The following MSRA variants were observed in gnomAD, a reference collection of about 807,000 sequenced individuals.
MSRA encodes mitochondrial peptide methionine sulfoxide reductase.
Under a neutral mutation model 31.3 loss-of-function variants are expected in MSRA, and 54 were observed. That is an observed-to-expected ratio of 1.73 (90% CI 1.39 to 2.17). MSRA has a LOEUF of 2.17. Among genes scored for constraint, MSRA ranks in the 30% most tolerant of loss-of-function variants. The pLI is 0.00. For missense variants in MSRA, 507 were observed against 300.9 expected, an observed-to-expected ratio of 1.69 and a Z score of -5.07; for synonymous variants, 169 against 116.5, an observed-to-expected ratio of 1.45 and a Z score of -2.90.
At chr8:10,353,222 C>A (rs1163920040) in intron 5 of MSRA, among the ~76,000 whole-genome samples, 1 of 152,198 alleles carries the variant, frequency 6.6e-6, no homozygotes, top group African/African-American at 2.4e-5. Context: ...CTTGGGAGAA[C>A]TGCCTTCTGC....
chr8:10,134,087 C>G (rs1048516312), intron 1 of MSRA, among the ~76,000 whole-genome samples: 6 of 152,188 alleles, frequency 3.9e-5, no homozygotes, highest in African/African-American at 1.4e-4. Context: ...CCACCTCAGC[C>G]TTCCAAAGTG....
At chr8:10,235,687 C>G (rs1285761696) in intron 2 of MSRA, among the ~76,000 whole-genome samples, 1 of 152,082 alleles carries the variant, frequency 6.6e-6, no homozygotes, top group Non-Finnish European at 1.5e-5. Context: ...TGATTCTCTT[C>G]CTTCTCTCCA....
At chr8:10,113,825 A>G (rs184760362) in intron 1 of MSRA, among the ~76,000 whole-genome samples, 7 of 152,198 alleles carry the variant, frequency 4.6e-5, no homozygotes, top group Non-Finnish European at 1.0e-4. Flanking sequence ...CACATACTGT[A>G]GAGTTCTCCA....
In MSRA at chr8:10,208,870, T is replaced by C. The variant is rs147851076; in HGVS notation, c.211+969T>C. On this transcript the variant is annotated intron_variant, in intron 2 of 5. Transcript: ENST00000317173. ...CTCCTTTGAGGGTACAAAACTGCTT[T>C]GAAGACTTGAATTGCGTTTGAACTG... Among the ~76,000 whole-genome samples, 127 of 152,374 alleles carry C rather than the reference T, an allele frequency of 8.3e-4. No individual in the cohort carries two copies. In the South Asian group the frequency reaches 9.3e-3, roughly 11 times the overall value.
chr8:10,207,483 G>T (rs564319677), intron 1 of MSRA, among the ~76,000 whole-genome samples: 42 of 152,328 alleles, frequency 2.8e-4, no homozygotes, highest in Admixed American at 1.2e-3. Flanking sequence ...GTTCAGCCTG[G>T]AAGTTGGAGC....
intron 2 of MSRA, among the ~76,000 whole-genome samples, chr8:10,213,460 A>G (rs1208746534): frequency 2.8e-5 from 3 of 108,202 alleles, no homozygotes; most frequent in South Asian, 6.4e-4. Flanking sequence ...TTTTTTTGAG[A>G]CAGAGTCTTG....
At chr8:10,375,572 AG>A (rs1455702623) in intron 5 of MSRA, among the ~76,000 whole-genome samples, 1 of 152,202 alleles carries the variant, frequency 6.6e-6, no homozygotes, top group Non-Finnish European at 1.5e-5. Context: ...TCAACCAGCC[AG>A]GGAGTCAAGG....
At chr8:10,133,444 C>T (rs948320261) in intron 1 of MSRA, among the ~76,000 whole-genome samples, 7 of 152,268 alleles carry the variant, frequency 4.6e-5, no homozygotes, top group African/African-American at 1.4e-4. Context: ...AGGACCAGGC[C>T]GTGGGCACAA....
intron 2 of MSRA, among the ~76,000 whole-genome samples, chr8:10,211,564 G>T (rs549474069): frequency 2.0e-5 from 3 of 152,142 alleles, no homozygotes; most frequent in Non-Finnish European, 4.4e-5. Context: ...TCCTGTCTTT[G>T]TTCCTGGTAG....
At chr8:10,181,791 A>G (rs185633846) in intron 1 of MSRA, among the ~76,000 whole-genome samples, 2 of 152,308 alleles carry the variant, frequency 1.3e-5, no homozygotes, top group Non-Finnish European at 2.9e-5. Flanking sequence ...CTGGGGTCAC[A>G]TAGAGGTAGT....
chr8:10,245,880 T>C (rs1163717820), intron 3 of MSRA, among the ~76,000 whole-genome samples: 1 of 152,190 alleles, frequency 6.6e-6, no homozygotes, highest in African/African-American at 2.4e-5. Context: ...AAGGCAAGGA[T>C]ATAGGAGGTA....
intron 1 of MSRA, among the ~76,000 whole-genome samples, chr8:10,149,705 G>GA (rs1287487775): frequency 4.0e-5 from 6 of 151,572 alleles, no homozygotes; most frequent in Non-Finnish European, 7.4e-5. Flanking sequence ...GTTCTCTTTA[G>GA]AAAATAAATG....
chr8:10,152,642 T>A (rs886095216), intron 1 of MSRA, among the ~76,000 whole-genome samples: 1 of 152,178 alleles, frequency 6.6e-6, no homozygotes, highest in Non-Finnish European at 1.5e-5. Context: ...AGTACTTTTT[T>A]TCCCCCAAAA....
At chr8:10,135,659 A>G (rs1207908886) in intron 1 of MSRA, among the ~76,000 whole-genome samples, 2 of 152,240 alleles carry the variant, frequency 1.3e-5, no homozygotes, top group African/African-American at 4.8e-5. Context: ...CATTCTGTGC[A>G]TTCGCGTGCC....
chr8:10,092,420 A>G (rs967253609), intron 1 of MSRA, among the ~76,000 whole-genome samples: 2 of 152,180 alleles, frequency 1.3e-5, no homozygotes, highest in Non-Finnish European at 2.9e-5. Context: ...GCAGTTTGGG[A>G]GGCCGAGGTG....
intron 3 of MSRA, among the ~76,000 whole-genome samples, chr8:10,271,779 C>T (rs558743415): frequency 6.0e-5 from 9 of 148,990 alleles, no homozygotes; most frequent in South Asian, 4.2e-4. Context: ...AGTACAGTGG[C>T]GCGATCTTGG....
intron 1 of MSRA, among the ~76,000 whole-genome samples, chr8:10,193,522 C>T (rs957734093): frequency 1.2e-4 from 19 of 152,188 alleles, no homozygotes; most frequent in Admixed American, 3.9e-4. Context: ...ACCAAGCAGA[C>T]GGTGCTGCTA....
At chr8:10,316,534 C>T (rs1801729511) in intron 4 of MSRA, among the ~76,000 whole-genome samples, 1 of 54,224 alleles carries the variant, frequency 1.8e-5, no homozygotes, top group Non-Finnish European at 3.2e-5. Flanking sequence ...ATCCCTCTCT[C>T]TCTCTCTCTC....
chr8:10,165,976 G>C (rs1805087978), intron 1 of MSRA, among the ~76,000 whole-genome samples: 1 of 152,172 alleles, frequency 6.6e-6, no homozygotes, highest in African/African-American at 2.4e-5. Flanking sequence ...TTTGAACTTG[G>C]CAGTGATTCC....
Sources: allele counts gnomAD v4.1 joint callset (sites outside exome capture counted in the v4.1 genomes callset), GRCh38; gene constraint gnomAD v4.1.1; transcripts MANE v1.5; gene names NCBI Gene and HGNC (gene_info 2026-07-23, HGNC 2026-07-21).